Variants in PUDP observed in about 807,000 individuals in gnomAD.
The protein encoded by PUDP is pseudouridine-5'-phosphatase.
In PUDP, 8 loss-of-function variants were observed where a neutral mutation model predicts 9.4. The observed-to-expected ratio is 0.85, with a 90% CI of 0.50 to 1.53. PUDP has a LOEUF of 1.53. PUDP is among the 40% of genes most tolerant of loss of function. The probability of loss-of-function intolerance (pLI) is 0.00; values close to 1 mark genes in which losing one functional copy is unlikely to be tolerated. For synonymous variants in PUDP, 99 were observed against 80.7 expected (o/e 1.23, Z -1.22); for missense variants, 188 against 189.7 (o/e 0.99, Z 0.05).
At chrX:6,842,862 A>G (rs113809457) in intron 3 of PUDP, among the ~76,000 whole-genome samples, 7,569 of 112,164 alleles carry the variant, frequency 0.067, 222 homozygotes, top group Middle Eastern at 0.1. Flanking sequence ...CGGACCATCA[A>G]TTAAAGGTCA....
intron 1 of PUDP, among the ~76,000 whole-genome samples, chrX:7,019,591 AC>A (rs370061224): frequency 2.7e-5 from 3 of 111,599 alleles, no homozygotes; most frequent in Admixed American, 9.5e-5. Flanking sequence ...GACGCCTGCT[AC>A]CCAGGAGGTT....
intron 3 of PUDP, among the ~76,000 whole-genome samples, chrX:6,825,644 T>C (rs1926412909): frequency 9.1e-6 from 1 of 110,406 alleles, no homozygotes; most frequent in Non-Finnish European, 1.9e-5. Flanking sequence ...AAGCTGAGTG[T>C]GGGGTTTCTA....
intron 3 of PUDP, among the ~76,000 whole-genome samples, chrX:6,764,391 A>C (rs752933699): frequency 8.9e-6 from 1 of 112,145 alleles, no homozygotes; most frequent in Admixed American, 9.4e-5. Context: ...AAAATGGCTT[A>C]TTGGCCCTGT....
chrX:7,066,293 G>A (rs188309135), intron 3 of PUDP, among the ~76,000 whole-genome samples: 2 of 111,794 alleles, frequency 1.8e-5, no homozygotes, highest in South Asian at 3.8e-4. Context: ...AAGGAACTAC[G>A]AGGCATGGAT....
intron 1 of PUDP, among the ~76,000 whole-genome samples, chrX:7,126,410 A>G (rs1252214961): frequency 8.9e-6 from 1 of 112,108 alleles, no homozygotes; most frequent in Non-Finnish European, 1.9e-5. Context: ...CCTTCACACA[A>G]TCAAAAATCT....
At chrX:7,045,228 T>C (rs11095330), downstream of PUDP, among the ~76,000 whole-genome samples, 27,612 of 111,965 alleles carry the variant, frequency 0.25, 2,637 homozygotes, top group Admixed American at 0.41. Context: ...CCTTCCAGCA[T>C]GATTGTAAGT....
intron 3 of PUDP, among the ~76,000 whole-genome samples, chrX:6,831,174 G>A (rs61121992): frequency 0.1 from 11,436 of 111,214 alleles, 589 homozygotes; most frequent in African/African-American, 0.2. Flanking sequence ...GGTTGCAGCC[G>A]ATCTATCAAG....
At chrX:6,732,881 T>C (rs1377630710) in intron 3 of PUDP, among the ~76,000 whole-genome samples, 1 of 112,127 alleles carries the variant, frequency 8.9e-6, no homozygotes, top group Non-Finnish European at 1.9e-5. Context: ...AGGTTAACTT[T>C]AAAGATACAT....
At chrX:6,914,115 C>T (rs1305962217) in intron 3 of PUDP, among the ~76,000 whole-genome samples, 6 of 99,377 alleles carry the variant, frequency 6.0e-5, no homozygotes, top group Non-Finnish European at 1.2e-4. Context: ...TGCAGTGAGC[C>T]GAGATTGTGC....
At chrX:6,912,006 C>A (rs796843099) in intron 3 of PUDP, among the ~76,000 whole-genome samples, 1 of 111,641 alleles carries the variant, frequency 9.0e-6, no homozygotes, top group African/African-American at 3.2e-5. Context: ...GTACAACCTA[C>A]AATTTTAAAA....
chrX:6,902,102 T>C (rs1026314660), intron 3 of PUDP, among the ~76,000 whole-genome samples: 3 of 111,278 alleles, frequency 2.7e-5, no homozygotes, highest in Non-Finnish European at 3.8e-5. Flanking sequence ...CCCAGGCTGG[T>C]CTCAAACTCC....
chrX:6,772,699 G>A (rs1207895195), intron 3 of PUDP, among the ~76,000 whole-genome samples: 1 of 109,100 alleles, frequency 9.2e-6, no homozygotes, highest in Non-Finnish European at 1.9e-5. Context: ...GGGAGGCCGA[G>A]GTGGGTAGAT....
intron 1 of PUDP, among the ~76,000 whole-genome samples, chrX:6,990,479 A>G (rs917251130): frequency 8.9e-6 from 1 of 112,366 alleles, no homozygotes; most frequent in Non-Finnish European, 1.9e-5. Context: ...AGAAAGTTCT[A>G]AAAAACGAGG....
intron 3 of PUDP, among the ~76,000 whole-genome samples, chrX:6,755,550 T>G (rs1475522305): frequency 8.9e-6 from 1 of 112,022 alleles, no homozygotes; most frequent in African/African-American, 3.2e-5. Flanking sequence ...ATTTACAACA[T>G]GCTCTCATCA....
At chrX:6,747,258 C>A (rs1291977254) in intron 3 of PUDP, among the ~76,000 whole-genome samples, 2 of 111,885 alleles carry the variant, frequency 1.8e-5, no homozygotes, top group African/African-American at 6.5e-5. Flanking sequence ...AGTGTCTGTG[C>A]TTGAATTTGT....
At chrX:7,046,585 G>A (rs959786855), downstream of PUDP, among the ~76,000 whole-genome samples, 1 of 112,561 alleles carries the variant, frequency 8.9e-6, no homozygotes, top group African/African-American at 3.2e-5. Flanking sequence ...AAACAGATAG[G>A]TATTCTTTAT....
chrX:6,889,857 G>A (rs749815328), intron 3 of PUDP, among the ~76,000 whole-genome samples: 7 of 111,154 alleles, frequency 6.3e-5, no homozygotes, highest in Admixed American at 3.8e-4. Flanking sequence ...AGAGAATAAG[G>A]GCAGGAGTCA....
chrX:6,985,434 C>G (rs1035901086), intron 1 of PUDP, among the ~76,000 whole-genome samples: 2 of 110,728 alleles, frequency 1.8e-5, no homozygotes, highest in African/African-American at 6.6e-5. Context: ...CCTTTAGTCC[C>G]CAATAAAGCT....
intron 1 of PUDP, among the ~76,000 whole-genome samples, chrX:7,004,176 G>C (rs1929369594): frequency 9.0e-6 from 1 of 111,699 alleles, no homozygotes; most frequent in African/African-American, 3.3e-5. Flanking sequence ...GCTCCTGCCG[G>C]TTTCATGCTT....
Sources: gnomAD v4.1 joint callset for allele counts (sites outside exome capture counted in the v4.1 genomes callset) on GRCh38, gnomAD v4.1.1 for gene constraint, MANE v1.5 for transcripts, NCBI Gene and HGNC (gene_info 2026-07-23, HGNC 2026-07-21) for gene names.